Variants in CRTC3 observed in about 807,000 individuals in gnomAD.
The protein encoded by CRTC3 is CREB-regulated transcription coactivator 3.
CRTC3 carries 26 observed loss-of-function variants against 74.5 expected under a neutral mutation model. The observed-to-expected ratio is 0.35, with a 90% confidence interval of 0.26 to 0.48. CRTC3 has a LOEUF of 0.48. Among genes scored for constraint, CRTC3 ranks in the 20% least tolerant of loss-of-function variants. The probability of loss-of-function intolerance (pLI) is 0.99; values close to 1 mark genes in which losing one functional copy is unlikely to be tolerated. For synonymous variants in CRTC3, 377 were observed against 325.8 expected, an observed-to-expected ratio of 1.16 and a Z score of -1.69; for missense variants, 760 against 787.3, an observed-to-expected ratio of 0.97 and a Z score of 0.41.
chr15:90,634,743 A>G, intron 11 of CRTC3: 2 of 883,902 alleles, frequency 2.3e-6, no homozygotes, highest in South Asian at 2.7e-5. Context: ...ACAAGCGTGT[A>G]GAAAGTTTTT....
intron 6 of CRTC3, among the ~76,000 whole-genome samples, chr15:90,609,118 T>C (rs1377538083): frequency 2.0e-5 from 3 of 152,256 alleles, no homozygotes; most frequent in Non-Finnish European, 4.4e-5. Flanking sequence ...TAGTACTGAA[T>C]AATAATTGTT....
At chr15:90,557,304 T>C (rs901110050) in intron 2 of CRTC3, among the ~76,000 whole-genome samples, 3 of 152,118 alleles carry the variant, frequency 2.0e-5, no homozygotes, top group African/African-American at 7.2e-5. Flanking sequence ...GCAGCTTCTC[T>C]CTCCCCCACA....
At chr15:90,626,042 TC>T in intron 10 of CRTC3, 49 bp downstream of exon 10, 1 of 1,406,072 alleles carries the variant, frequency 7.1e-7, no homozygotes, top group Non-Finnish European at 1.0e-6. Context: ...TCATAGGTGG[TC>T]CCCACCCATG....
intron 9 of CRTC3, 146 bp downstream of exon 9, chr15:90,619,936 T>TCTCC (rs1440129792): frequency 1.5e-6 from 1 of 653,548 alleles, no homozygotes; most frequent in Non-Finnish European, 2.7e-6. Context: ...AAACAGCCAC[T>TCTCC]CTCTTTTGAT....
intron 9 of CRTC3, among the ~76,000 whole-genome samples, chr15:90,623,995 C>A (rs964572338): frequency 6.6e-6 from 1 of 152,196 alleles, no homozygotes; most frequent in African/African-American, 2.4e-5. Context: ...TCCAAGGAAG[C>A]CTCCCCAGGT....
intron 2 of CRTC3, among the ~76,000 whole-genome samples, chr15:90,568,807 A>G (rs1967185913): frequency 6.6e-6 from 1 of 152,220 alleles, no homozygotes; most frequent in African/African-American, 2.4e-5. Context: ...CTGATCAATC[A>G]GTGGCCTTCA....
chr15:90,592,775 T>G (rs1047732771), intron 2 of CRTC3, among the ~76,000 whole-genome samples: 2 of 152,188 alleles, frequency 1.3e-5, no homozygotes, highest in Non-Finnish European at 2.9e-5. Context: ...GGATTCATAG[T>G]AAGAGAGTGG....
chr15:90,577,766 A>G (rs1234895138), intron 2 of CRTC3, among the ~76,000 whole-genome samples: 1 of 152,230 alleles, frequency 6.6e-6, no homozygotes, highest in African/African-American at 2.4e-5. Context: ...GTTAAGTGAA[A>G]TAAGAGAAAG....
rs150245808 is a variant in CRTC3, at chr15:90,633,696, T to G, written c.1266+4164T>G. On this transcript the variant is annotated intron_variant, in intron 11 of 14. Transcript: ENST00000268184. The stretch of plus-strand genomic sequence containing the variant: ...TCTTCAATGATTTCTTCCCTTCAGT[T>G]TTCTCTGTTCTTTCTCTCTGGAACT... Among the ~76,000 whole-genome samples the G allele has an allele frequency of 6.3e-3, 929 of 147,110 alleles. 7 individuals are homozygous for G. Among genetic ancestry groups the G allele is most frequent in the African/African-American group, 0.02 (796 of 40,064 alleles).
At chr15:90,543,365 C>T (rs1966835512) in intron 2 of CRTC3, among the ~76,000 whole-genome samples, 1 of 151,410 alleles carries the variant, frequency 6.6e-6, no homozygotes, top group South Asian at 2.1e-4. Flanking sequence ...ACTCTTTTCC[C>T]CTTTGTAATG....
At chr15:90,566,903 G>T (rs567236118) in intron 2 of CRTC3, among the ~76,000 whole-genome samples, 1 of 151,854 alleles carries the variant, frequency 6.6e-6, no homozygotes, top group Non-Finnish European at 1.5e-5. Context: ...CAGAGACAGG[G>T]TTTCACTATG....
intron 2 of CRTC3, among the ~76,000 whole-genome samples, chr15:90,562,089 G>T (rs1477027892): frequency 6.6e-6 from 1 of 152,146 alleles, no homozygotes; most frequent in Non-Finnish European, 1.5e-5. Flanking sequence ...AGCCTCTTGG[G>T]GATGTGACTT....
At chr15:90,583,804 G>A (rs1322623096) in intron 2 of CRTC3, among the ~76,000 whole-genome samples, 2 of 152,100 alleles carry the variant, frequency 1.3e-5, no homozygotes, top group Non-Finnish European at 2.9e-5. Flanking sequence ...TCTGACGCTG[G>A]AGATTTGTTA....
intron 2 of CRTC3, among the ~76,000 whole-genome samples, chr15:90,551,944 GCACACACACACA>G (rs5814439): frequency 7.7e-6 from 1 of 129,192 alleles, no homozygotes; most frequent in Non-Finnish European, 1.6e-5. Flanking sequence ...ACACACACAC[GCACACACACACA>G]CACACACACA....
chr15:90,603,453 GAA>G (rs1008952632), intron 4 of CRTC3, among the ~76,000 whole-genome samples: 17 of 151,860 alleles, frequency 1.1e-4, no homozygotes, highest in Admixed American at 9.8e-4. Context: ...AAAAAAAAAA[GAA>G]AGAAAAATAA....
At chr15:90,535,972 A>G (rs1360973222) in intron 1 of CRTC3, among the ~76,000 whole-genome samples, 1 of 152,126 alleles carries the variant, frequency 6.6e-6, no homozygotes, top group African/African-American at 2.4e-5. Context: ...AGCTACTTTA[A>G]TTTCCCTCAT....
intron 2 of CRTC3, among the ~76,000 whole-genome samples, chr15:90,573,682 CATCAGT>C (rs1184455061): frequency 3.9e-5 from 6 of 151,976 alleles, no homozygotes; most frequent in African/African-American, 1.5e-4. Flanking sequence ...TCCATTTCCA[CATCAGT>C]ATATTATTGT....
chr15:90,637,884 CG>C, intron 11 of CRTC3: 1 of 152,960 alleles, frequency 6.5e-6, no homozygotes, highest in Non-Finnish European at 1.5e-5. Flanking sequence ...AGCCTAGCAT[CG>C]GGTTTTCTCA....
intron 2 of CRTC3, among the ~76,000 whole-genome samples, chr15:90,545,778 C>T (rs1463485322): frequency 2.0e-5 from 3 of 152,078 alleles, no homozygotes; most frequent in African/African-American, 7.2e-5. Context: ...CGGGGTTTCA[C>T]TGTGTTAGCC....
Sources: allele counts gnomAD v4.1 joint callset (sites outside exome capture counted in the v4.1 genomes callset), GRCh38; gene constraint gnomAD v4.1.1; transcripts MANE v1.5; gene names NCBI Gene and HGNC (gene_info 2026-07-23, HGNC 2026-07-21).